PCDHGA1: variants seen among roughly 807,000 people sequenced by gnomAD.
PCDHGA1 encodes the protein protocadherin gamma-A1.
A neutral mutation model predicts 58.0 loss-of-function variants in PCDHGA1; 32 were observed. The ratio of observed to expected loss-of-function variants is 0.55; its 90% CI spans 0.42 to 0.74. The LOEUF (loss-of-function observed/expected upper bound fraction) is 0.74, where lower values mean the gene tolerates loss of function less well. PCDHGA1 is among the 30% of genes least tolerant of loss of function. The pLI, the probability that PCDHGA1 is intolerant of heterozygous loss-of-function variation, is 0.00. For synonymous variants in PCDHGA1, 498 were observed against 501.1 expected (o/e 0.99, Z 0.08); for missense variants, 1,205 against 1,182.3 (o/e 1.02, Z -0.28).
chr5:141,418,087 C>T (rs2096220274), intron 1 of PCDHGA1: 9 of 1,613,894 alleles, frequency 5.6e-6, no homozygotes, highest in Non-Finnish European at 7.6e-6. Flanking sequence ...TGCACTTCAG[C>T]GTAGACGCGC....
rs116187844 is a variant in PCDHGA1, at chr5:141,424,198, C to T, written c.2422-70609C>T. The T allele has an allele frequency of 8.5e-3, 1,543 of 182,010 alleles. 28 individuals are homozygous for T. Among genetic ancestry groups the T allele is most frequent in the African/African-American group, 0.035 (1,445 of 41,852 alleles). The allele number at this position is 182,010 out of a possible 1,614,324, so 11.3% of individuals were successfully genotyped here. ...ATACACATGCACACACACTTATACA[C>T]GTAAGCTTTTCTCTGAGCAATTTTA... On this transcript the variant is annotated intron_variant, in intron 1 of 3. Coordinates refer to ENST00000517417, the MANE Select transcript of PCDHGA1 (RefSeq NM_018912.3).
At chr5:141,472,256 T>C (rs2099275290) in intron 1 of PCDHGA1, among the ~76,000 whole-genome samples, 1 of 152,176 alleles carries the variant, frequency 6.6e-6, no homozygotes, top group South Asian at 2.1e-4. Flanking sequence ...TAAAGTTATA[T>C]TATAGCCGGG....
At chr5:141,371,163 G>A (rs79773129) in intron 1 of PCDHGA1, 6 of 1,613,984 alleles carry the variant, frequency 3.7e-6, no homozygotes, top group African/African-American at 1.3e-5. Flanking sequence ...GAACCTGCCC[G>A]CTGGCTCCTC....
intron 1 of PCDHGA1, among the ~76,000 whole-genome samples, chr5:141,458,726 C>T (rs1301761231): frequency 1.3e-5 from 2 of 151,992 alleles, no homozygotes; most frequent in African/African-American, 4.8e-5. Flanking sequence ...TTCGCCACCA[C>T]ATCCAGCTAT....
chr5:141,507,487 G>A (rs889348168), intron 3 of PCDHGA1, among the ~76,000 whole-genome samples: 1 of 152,204 alleles, frequency 6.6e-6, no homozygotes, highest in African/African-American at 2.4e-5. Context: ...GCCTCCTGAG[G>A]CAGAGCTGTC....
chr5:141,478,164 C>A (rs202185809), intron 1 of PCDHGA1: 2 of 1,614,010 alleles, frequency 1.2e-6, no homozygotes, highest in African/African-American at 1.3e-5. Context: ...GGCTCTGCCC[C>A]CCGGGAGCAG....
chr5:141,464,402 G>GAT (rs1039725208), intron 1 of PCDHGA1, among the ~76,000 whole-genome samples: 22 of 150,720 alleles, frequency 1.5e-4, no homozygotes, highest in Admixed American at 7.3e-4. Context: ...AAGAACCTGA[G>GAT]ATATATATAT....
chr5:141,415,506 C>G, intron 1 of PCDHGA1: 1 of 1,614,148 alleles, frequency 6.2e-7, no homozygotes, highest in Non-Finnish European at 8.5e-7. Flanking sequence ...TCCCCCAGCC[C>G]AATTATGCGG....
rs756423770 is a variant in PCDHGA1 at position 141,430,950 on chromosome 5, T to G, written c.2422-63857T>G. 8 of 1,609,862 alleles carry G rather than the reference T, an allele frequency of 5.0e-6. No individual in the cohort carries two copies. The East Asian group carries it at 1.6e-4, about 31-fold the overall frequency. On this transcript the variant is annotated intron_variant, in intron 1 of 3. Coordinates refer to ENST00000517417, the MANE Select transcript of PCDHGA1 (RefSeq NM_018912.3). ...CCCCGGGAGCTCGCGGAGCGCGGAG[T>G]CCGCATCATCCCCAGAGGTAGGACG...
intron 3 of PCDHGA1, among the ~76,000 whole-genome samples, chr5:141,510,566 A>G (rs2154594633): frequency 6.6e-6 from 1 of 152,288 alleles, no homozygotes; most frequent in South Asian, 2.1e-4. Flanking sequence ...TACATCTACC[A>G]GGCACTATTT....
intron 1 of PCDHGA1, among the ~76,000 whole-genome samples, chr5:141,347,210 G>A (rs142266439): frequency 1.5e-5 from 2 of 133,888 alleles, no homozygotes; most frequent in East Asian, 4.2e-4. Flanking sequence ...CTGGAGTGCA[G>A]TGGCATGATC....
At chr5:141,506,188 C>T (rs925159785) in intron 3 of PCDHGA1, among the ~76,000 whole-genome samples, 2 of 152,058 alleles carry the variant, frequency 1.3e-5, no homozygotes, top group African/African-American at 4.8e-5. Flanking sequence ...TGGTGGCTCA[C>T]GCCTGTAATC....
intron 1 of PCDHGA1, chr5:141,409,795 G>A (rs764584425): frequency 1.2e-6 from 2 of 1,611,722 alleles, no homozygotes; most frequent in Admixed American, 1.7e-5. Context: ...TCGCGCTCAC[G>A]CTGCAGGCCC....
chr5:141,415,740 G>GTTTTTTTTTTTTTTTTTT (rs57426385), intron 1 of PCDHGA1: 15 of 625,028 alleles, frequency 2.4e-5, no homozygotes, highest in African/African-American at 7.5e-5. Flanking sequence ...GTTTATTAAG[G>GTTTTTTTTTTTTTTTTTT]TTTTTTTTTT....
At position 141,331,490 on chromosome 5, in the gene PCDHGA1, C is replaced by T. The variant is rs138254459; in HGVS notation, c.806C>T (p.Pro269Leu). 2.5e-6 allele frequency: 4 copies of T among 1,614,050 alleles called. No homozygotes were observed. In the African/African-American group the frequency reaches 5.3e-5, roughly 22 times the overall value. Residue 269 changes from proline (P) to leucine (L), a missense_variant, in exon 1 of 4, where the codon CCT (proline) becomes CTT (leucine). Physicochemically the swap from Pro to Leu is moderately conservative, Grantham distance 98. Transcript: ENST00000517417. ...TQLLMVNATDPDEGANGEVTY... is the reference protein window; with the variant it reads ...TQLLMVNATDLDEGANGEVTY... ...CTGCTCATGGTAAATGCCACTGACC[C>T]TGATGAGGGAGCCAATGGGGAAGTA...
In PCDHGA1 at chr5:141,331,335, G is replaced by A; in HGVS notation, c.651G>A (p.Gly217=). The A allele has an allele frequency of 1.2e-6, 2 of 1,614,134 alleles. No individual in the cohort carries two copies. The highest frequency in any genetic ancestry group is 1.7e-5 in the Admixed American group (1 of 60,014). ...VHHLILTASD[G]GEPVRSGTLR... ...ACCTCATCCTCACAGCTTCTGATGG[G>A]GGTGAACCAGTCCGTTCAGGGACCC... The change falls in exon 1 of 4, where the codon GGG becomes GGA. Residue 217 remains glycine, a synonymous_variant. Transcript: ENST00000517417.
chr5:141,478,199 C>T lies in PCDHGA1; in HGVS notation c.2422-16608C>T, dbSNP rs759439765. 3.7e-6 allele frequency: 6 copies of T among 1,614,056 alleles called. No homozygotes were observed. The Middle Eastern group carries it at 6.6e-4, about 178-fold the overall frequency. On this transcript the variant is annotated intron_variant, in intron 1 of 3. Coordinates refer to ENST00000517417, the MANE Select transcript of PCDHGA1 (RefSeq NM_018912.3). ...GAAAAAAAATCTCACCTTTTATCTA[C>T]TTCTTTCTCTAATCCTGGTTTCTGT...
At chr5:141,350,332 C>G in intron 1 of PCDHGA1, 1 of 1,537,558 alleles carries the variant, frequency 6.5e-7, no homozygotes, top group South Asian at 1.3e-5. Context: ...CTTTGTTCTG[C>G]GGGGCCATCT....
chr5:141,399,055 G>A (rs372997829), intron 1 of PCDHGA1: 3 of 1,613,726 alleles, frequency 1.9e-6, no homozygotes, highest in African/African-American at 2.7e-5. Context: ...AGAGACCAAG[G>A]AATATTCAAT....
Sources: allele counts gnomAD v4.1 joint callset (sites outside exome capture counted in the v4.1 genomes callset), GRCh38; gene constraint gnomAD v4.1.1; transcripts MANE v1.5; gene names NCBI Gene and HGNC (gene_info 2026-07-23, HGNC 2026-07-21).